The following LRRC7 variants were observed in gnomAD, a reference collection of about 807,000 sequenced individuals.
The protein encoded by LRRC7 is leucine rich repeat containing 7.
Under a neutral mutation model 175.7 loss-of-function variants are expected in LRRC7, and 23 were observed. That is an observed-to-expected ratio of 0.13 (90% confidence interval 0.09 to 0.19). The LOEUF (loss-of-function observed/expected upper bound fraction) is 0.19. Among genes scored for constraint, LRRC7 ranks in the 10% least tolerant of loss-of-function variants. The pLI, the probability that LRRC7 is intolerant of heterozygous loss-of-function variation, is 1.00. For missense variants in LRRC7, 1,354 were observed against 1,904.7 expected (o/e 0.71, Z 5.38); for synonymous variants, 685 against 680.9 (o/e 1.01, Z -0.09).
chr1:70,049,887 T>C (rs536085979), intron 22 of LRRC7, among the ~76,000 whole-genome samples: 3 of 152,256 alleles, frequency 2.0e-5, no homozygotes, highest in South Asian at 4.1e-4. Context: ...GGTAATGTCC[T>C]TTATGAACCA....
chr1:70,115,436 AG>A (rs1233571441), intron 26 of LRRC7, among the ~76,000 whole-genome samples: 2 of 147,984 alleles, frequency 1.4e-5, no homozygotes, highest in Non-Finnish European at 1.5e-5. Flanking sequence ...TCTATTTGCC[AG>A]GTTTTTTGTT....
At chr1:69,652,969 G>A (rs1254443844) in intron 1 of LRRC7, among the ~76,000 whole-genome samples, 1 of 151,960 alleles carries the variant, frequency 6.6e-6, no homozygotes, top group Non-Finnish European at 1.5e-5. Flanking sequence ...AAAATTTAAA[G>A]ATAAGATGGG....
At chr1:69,600,060 C>A (rs987176472) in intron 1 of LRRC7, among the ~76,000 whole-genome samples, 1 of 151,978 alleles carries the variant, frequency 6.6e-6, no homozygotes, top group Non-Finnish European at 1.5e-5. Flanking sequence ...ACAGGTCAGG[C>A]AAAACAATTC....
chr1:69,729,104 G>A (rs1667285589), intron 2 of LRRC7, among the ~76,000 whole-genome samples: 1 of 152,088 alleles, frequency 6.6e-6, no homozygotes, highest in African/African-American at 2.4e-5. Context: ...GCAGCACAAG[G>A]GGGTAACCGC....
At chr1:69,908,634 G>A (rs1480124221) in intron 7 of LRRC7, among the ~76,000 whole-genome samples, 8 of 149,420 alleles carry the variant, frequency 5.4e-5, no homozygotes, top group Non-Finnish European at 1.2e-4. Context: ...GAGACAGTTT[G>A]TTATAATTTC....
intron 7 of LRRC7, among the ~76,000 whole-genome samples, chr1:69,852,298 G>C (rs1683076641): frequency 6.6e-6 from 1 of 151,966 alleles, no homozygotes; most frequent in South Asian, 2.1e-4. Context: ...GCATACAGAA[G>C]GCTTGCAAAG....
intron 1 of LRRC7, among the ~76,000 whole-genome samples, chr1:69,630,053 T>C (rs1453200346): frequency 6.6e-6 from 1 of 152,136 alleles, no homozygotes; most frequent in African/African-American, 2.4e-5. Context: ...CTGCTTCCTA[T>C]AATGGTGATT....
intron 26 of LRRC7, among the ~76,000 whole-genome samples, chr1:70,111,026 A>G (rs907170028): frequency 2.0e-5 from 3 of 152,204 alleles, no homozygotes; most frequent in African/African-American, 7.2e-5. Context: ...CTTAATGGCA[A>G]TGTTCAACCT....
chr1:69,876,654 T>G (rs1686070927), intron 7 of LRRC7, among the ~76,000 whole-genome samples: 2 of 152,210 alleles, frequency 1.3e-5, no homozygotes, highest in African/African-American at 2.4e-5. Context: ...GTATTTTACA[T>G]ATAGATAGAA....
chr1:69,619,211 C>T (rs944235419), intron 1 of LRRC7, among the ~76,000 whole-genome samples: 2 of 152,128 alleles, frequency 1.3e-5, no homozygotes, highest in East Asian at 1.9e-4. Flanking sequence ...AAATGGAGTG[C>T]TCTGCAAGAT....
chr1:69,979,226 A>G (rs1653160163), intron 8 of LRRC7, among the ~76,000 whole-genome samples: 2 of 152,176 alleles, frequency 1.3e-5, no homozygotes, highest in South Asian at 2.1e-4. Flanking sequence ...GGCCTTAATC[A>G]TCTCCCAAAG....
intron 24 of LRRC7, among the ~76,000 whole-genome samples, chr1:70,085,412 A>G (rs897148768): frequency 6.6e-6 from 1 of 152,144 alleles, no homozygotes; most frequent in African/African-American, 2.4e-5. Flanking sequence ...AATTACCTTG[A>G]ACCCTTTGTC....
intron 3 of LRRC7, among the ~76,000 whole-genome samples, chr1:69,779,616 T>C (rs1056910457): frequency 1.3e-5 from 2 of 152,200 alleles, no homozygotes. Flanking sequence ...ATAACCTTCC[T>C]CTTCCAAAGG....
At chr1:69,774,412 C>T (rs1428617212) in intron 3 of LRRC7, among the ~76,000 whole-genome samples, 1 of 151,922 alleles carries the variant, frequency 6.6e-6, no homozygotes, top group Non-Finnish European at 1.5e-5. Flanking sequence ...CAAAAAAAAA[C>T]TTTTATGAGT....
chr1:70,048,755 A>AT (rs1309333853), intron 22 of LRRC7, among the ~76,000 whole-genome samples: 1 of 152,120 alleles, frequency 6.6e-6, no homozygotes, highest in African/African-American at 2.4e-5. Context: ...AATGCCAGTA[A>AT]TTATCTTGTG....
In LRRC7 at chr1:69,850,719, CA is replaced by C. The variant is rs558218529; in HGVS notation, c.647+12438del. Among the ~76,000 whole-genome samples the C allele has an allele frequency of 1.9e-4, 29 of 152,068 alleles. 1 individual carries two copies. The highest frequency in any genetic ancestry group is 4.0e-4 in the Non-Finnish European group (27 of 67,990). Reference sequence around the variant, plus strand: ...GTTTAACTAATTGGATATGGTGACACAATTTCCTATATAGAGAAACTTTGAA... The same window carrying C: ...GTTTAACTAATTGGATATGGTGACACATTTCCTATATAGAGAAACTTTGAA... On this transcript the variant is annotated intron_variant, in intron 7 of 26. Transcript: ENST00000651989.
At chr1:69,574,096 A>T (rs916827323) in intron 1 of LRRC7, among the ~76,000 whole-genome samples, 7 of 152,082 alleles carry the variant, frequency 4.6e-5, no homozygotes, top group Non-Finnish European at 8.8e-5. Context: ...GAACTCTAGG[A>T]TACTTGTGTG....
chr1:69,946,176 A>G (rs1156535327), intron 8 of LRRC7, among the ~76,000 whole-genome samples: 3 of 152,114 alleles, frequency 2.0e-5, no homozygotes, highest in Non-Finnish European at 2.9e-5. Context: ...AAGAGTTTTT[A>G]TCATGAAAAG....
intron 2 of LRRC7, among the ~76,000 whole-genome samples, chr1:69,695,526 A>G (rs1662468147): frequency 1.3e-5 from 2 of 152,226 alleles, no homozygotes; most frequent in African/African-American, 2.4e-5. Flanking sequence ...ACCACCTGCT[A>G]GAGAGCTTTG....
Sources: gnomAD v4.1 joint callset for allele counts (sites outside exome capture counted in the v4.1 genomes callset) on GRCh38, gnomAD v4.1.1 for gene constraint, MANE v1.5 for transcripts, NCBI Gene and HGNC (gene_info 2026-07-23, HGNC 2026-07-21) for gene names.